The following DMWD variants were observed in gnomAD, a reference collection of about 807,000 sequenced individuals.
DMWD encodes the protein DM1 locus, WD repeat containing, also known as dystrophia myotonica WD repeat-containing protein.
A neutral mutation model predicts 45.8 loss-of-function variants in DMWD; 19 were observed. The ratio of observed to expected loss-of-function variants is 0.41; its 90% CI spans 0.29 to 0.61. DMWD has a LOEUF of 0.61. Ranked by LOEUF, DMWD falls within the 20% of genes least tolerant of loss-of-function variation. The pLI is 0.25. For missense variants in DMWD, 802 were observed against 965.2 expected, an observed-to-expected ratio of 0.83 and a Z score of 2.24; for synonymous variants, 515 against 440.5, an observed-to-expected ratio of 1.17 and a Z score of -2.12.
Position 45,783,905 on chromosome 19 carries a change from C to A in DMWD, c.*338G>T. The A allele has an allele frequency of 9.4e-6, 5 of 529,370 alleles. No homozygotes were observed. The highest frequency in any genetic ancestry group is 2.0e-5 in the African/African-American group (1 of 49,810). 32.8% of individuals were successfully genotyped at this position (529,370 alleles called of 1,614,324 possible). A position where few individuals can be genotyped will look rare whatever the true frequency, so the allele number is the denominator to read the frequency against. On this transcript the variant is annotated 3_prime_UTR_variant, in exon 5 of 5. Transcript: ENST00000270223. ...CCTGCCCACTCAACTGAGGGGCACA[C>A]TGCAGACCTGGGGCTCTTGTGGCAG...
At chr19:45,787,355 G>A (rs1406197805) in intron 2 of DMWD, 2 of 183,532 alleles carry the variant, frequency 1.1e-5, no homozygotes, top group Non-Finnish European at 2.3e-5. Flanking sequence ...CTATGCATGC[G>A]AGGGATCTAG....
In DMWD at chr19:45,783,500, C is replaced by T. The variant is rs1424919832; in HGVS notation, c.*743G>A. ...AGGGGCCCTGGCTGCGGGCAGGATG[C>T]TCTTCTCCCCAAGAGGGTCCTGCTC... On this transcript the variant is annotated 3_prime_UTR_variant, in exon 5 of 5. Coordinates refer to ENST00000270223, the MANE Select transcript of DMWD (RefSeq NM_004943.2). The T allele has an allele frequency of 1.0e-5, 4 of 398,402 alleles. No homozygotes were observed. Among genetic ancestry groups the T allele is most frequent in the African/African-American group, 6.2e-5 (3 of 48,596 alleles). 24.7% of individuals were successfully genotyped at this position (398,402 alleles called of 1,614,324 possible).
intron 4 of DMWD, 141 bp downstream of exon 4, chr19:45,784,500 G>T (rs927053473): frequency 7.5e-7 from 1 of 1,338,694 alleles, no homozygotes; most frequent in Non-Finnish European, 1.0e-6. Context: ...GCACTTTCAC[G>T]CAATAATCAA....
chr19:45,791,113 A>G, intron 1 of DMWD, 26 bp from the exon 2 acceptor site: 2 of 1,591,332 alleles, frequency 1.3e-6, no homozygotes, highest in Non-Finnish European at 1.7e-6. Flanking sequence ...AAAAGGAGTT[A>G]ATGGTGTATG....
chr19:45,783,421 G>A lies in DMWD; in HGVS notation c.*822C>T, dbSNP rs1038769584. ...GGAGTCCCAGCTGGGCAGGGCCTGG[G>A]AAACGTGGTCCTGGGCAGTTCTGAT... On this transcript the variant is annotated 3_prime_UTR_variant, in exon 5 of 5. Coordinates refer to ENST00000270223, the MANE Select transcript of DMWD (RefSeq NM_004943.2). The A allele has an allele frequency of 1.0e-5, 4 of 396,404 alleles. No individual in the cohort carries two copies. The highest frequency in any genetic ancestry group is 8.9e-6 in the Non-Finnish European group (2 of 225,264). The allele number at this position is 396,404 out of a possible 1,614,324, so 24.6% of individuals were successfully genotyped here.
At chr19:45,792,252 C>A in intron 1 of DMWD, 64 bp downstream of exon 1, 1 of 1,552,792 alleles carries the variant, frequency 6.4e-7, no homozygotes, top group Non-Finnish European at 8.7e-7. Context: ...CGGGGACCCT[C>A]CTATCAGTTC....
Position 45,792,767 on chromosome 19 carries a change from C to G in DMWD, c.-11G>C. 8.9e-7 allele frequency: 1 copy of G among 1,120,650 alleles called. No individual in the cohort carries two copies. The highest frequency in any genetic ancestry group is 1.1e-6 in the Non-Finnish European group (1 of 917,092). 69.4% of individuals were successfully genotyped at this position (1,120,650 alleles called of 1,614,324 possible). ...GCCGCCCGCCGCCATCTTGGGCGCC[C>G]CCCGGGCCCCGCCACTGCCGGACTG... On this transcript the variant is annotated 5_prime_UTR_variant, in exon 1 of 5. Coordinates refer to ENST00000270223, the MANE Select transcript of DMWD (RefSeq NM_004943.2).
chr19:45,792,696 C>T lies in DMWD; in HGVS notation c.61G>A (p.Glu21Lys), dbSNP rs1970369852. 2.4e-6 allele frequency: 3 copies of T among 1,266,910 alleles called. No homozygotes were observed. The highest frequency in any genetic ancestry group is 4.1e-5 in the South Asian group (2 of 49,362). 78.5% of individuals were successfully genotyped at this position (1,266,910 alleles called of 1,614,324 possible). A position where few individuals can be genotyped will look rare whatever the true frequency, so the allele number is the denominator to read the frequency against. ...CGCGTGCGGAATTGCGACTTAATCT[C>T]CGCGCAGTCCCCCATGGCGGCGCCG... The part of the protein sequence containing the change: ...GPGAAMGDCA[E>K]IKSQFRTREG... Residue 21 changes from glutamate (E) to lysine (K), a missense_variant, in exon 1 of 5, where the codon GAG (glutamate) becomes AAG (lysine). Physicochemically the swap from Glu to Lys is moderately conservative, Grantham distance 56 (BLOSUM62 1). Around this residue, in one of 9 missense-constraint regions of DMWD, gnomAD observed 151 missense variants for 128.1 expected, o/e 1.18. Coordinates refer to ENST00000270223, the MANE Select transcript of DMWD (RefSeq NM_004943.2).
At chr19:45,786,993 C>G (rs1183852564) in intron 2 of DMWD, 122 bp from the exon 3 acceptor site, 6 of 1,468,644 alleles carry the variant, frequency 4.1e-6, no homozygotes, top group East Asian at 2.5e-5. Context: ...AGGTGCCACA[C>G]CAGGCCCAGG....
At position 45,784,693 on chromosome 19, in the gene DMWD, G is replaced by A. The variant is rs747214557; in HGVS notation, c.1925C>T (p.Ala642Val). ...GGGCCAACTTCCTTCCCCTGTCTGG[G>A]CCTCGGTCTCCTCGTCTGTGAACTA... ...GKAFTDEETE[A>V]QTGEGSWPRS... The change falls in exon 4 of 5, where the codon GCC (alanine) becomes GTC (valine). Residue 642 changes from alanine to valine, a missense_variant. Ala to Val is a moderately conservative substitution (Grantham distance 64, BLOSUM62 0). Coordinates refer to ENST00000270223, the MANE Select transcript of DMWD (RefSeq NM_004943.2). 3 of 1,613,160 alleles carry A rather than the reference G, an allele frequency of 1.9e-6. No individual in the cohort carries two copies. The South Asian group carries it at 3.3e-5, about 18-fold the overall frequency.
At chr19:45,784,540 G>A in intron 4 of DMWD, 101 bp downstream of exon 4, 1 of 1,577,620 alleles carries the variant, frequency 6.3e-7, no homozygotes, top group South Asian at 1.1e-5. Flanking sequence ...GTGAGACCAT[G>A]GGGTAAGGGT....
Position 45,792,462 on chromosome 19 carries a change from C to G in DMWD, c.295G>C (p.Val99Leu). 1 of 1,460,456 alleles carries G rather than the reference C, an allele frequency of 6.8e-7. No individual in the cohort carries two copies. Among genetic ancestry groups the G allele is most frequent in the Non-Finnish European group, 9.1e-7 (1 of 1,102,762 alleles). 90.5% of individuals were successfully genotyped at this position (1,460,456 alleles called of 1,614,324 possible). A position where few individuals can be genotyped will look rare whatever the true frequency, so the allele number is the denominator to read the frequency against. Residue 99 changes from valine (V) to leucine (L), a missense_variant, in exon 1 of 5, where the codon GTG becomes CTG. Transcript: ENST00000270223. ...GCGCTGTCCGGCTCCCCGAGGCGCACGAGGCTGAGGCGCACGGCGGGCAGG... is the reference window on the plus strand; with the variant it reads ...GCGCTGTCCGGCTCCCCGAGGCGCAGGAGGCTGAGGCGCACGGCGGGCAGG... ...PALPAVRLSL[V>L]RLGEPDSAGA...
chr19:45,783,695 CTCTACA>C lies in DMWD; in HGVS notation c.*542_*547del. The stretch of plus-strand genomic sequence containing the variant: ...GAACCACAGAGTACACACACAGGTC[CTCTACA>C]TCATCTCCTCCGAAGGGGACAGACC... On this transcript the variant is annotated 3_prime_UTR_variant, in exon 5 of 5. Transcript: ENST00000270223. The C allele has an allele frequency of 4.7e-6, 2 of 425,108 alleles. No individual in the cohort carries two copies. Among genetic ancestry groups the C allele is most frequent in the Non-Finnish European group, 8.2e-6 (2 of 243,676 alleles). 26.3% of individuals were successfully genotyped at this position (425,108 alleles called of 1,614,324 possible).
intron 2 of DMWD, among the ~76,000 whole-genome samples, chr19:45,788,064 G>T (rs926228475): frequency 1.3e-5 from 2 of 151,888 alleles, no homozygotes; most frequent in African/African-American, 4.8e-5. Context: ...GCGACAGAGC[G>T]AGACTCCACC....
intron 2 of DMWD, among the ~76,000 whole-genome samples, chr19:45,788,312 A>G (rs1970309561): frequency 6.6e-6 from 1 of 152,154 alleles, no homozygotes; most frequent in African/African-American, 2.4e-5. Context: ...TGAGGCCCTA[A>G]TGCTCTCAGG....
intron 2 of DMWD, chr19:45,787,206 A>G: frequency 2.5e-6 from 1 of 393,628 alleles, no homozygotes; most frequent in South Asian, 2.4e-5. Flanking sequence ...ATGGAACAGT[A>G]GTGGTCCGTG....
chr19:45,784,121 G>T lies in DMWD; in HGVS notation c.*122C>A. 2.3e-6 allele frequency: 2 copies of T among 882,704 alleles called. No homozygotes were observed. Among genetic ancestry groups the T allele is most frequent in the Non-Finnish European group, 3.7e-6 (2 of 542,436 alleles). 54.7% of individuals were successfully genotyped at this position (882,704 alleles called of 1,614,324 possible). On this transcript the variant is annotated 3_prime_UTR_variant, in exon 5 of 5. Coordinates refer to ENST00000270223, the MANE Select transcript of DMWD (RefSeq NM_004943.2). ...GCCCCCAAATTTTGTGCAGGTGGGG[G>T]GACTGGAGCAGTCCATCCATCATGG... is the stretch of plus-strand genomic sequence containing the variant.
At position 45,783,630 on chromosome 19, in the gene DMWD, G is replaced by A. The variant is rs1293092359; in HGVS notation, c.*613C>T. The A allele has an allele frequency of 5.0e-6, 2 of 399,148 alleles. No individual in the cohort carries two copies. The highest frequency in any genetic ancestry group is 8.8e-6 in the Non-Finnish European group (2 of 226,490). The allele number at this position is 399,148 out of a possible 1,614,324, so 24.7% of individuals were successfully genotyped here. ...AGGGGTGGGAGGCGCTGGGCTGGGAGCAGGCCTGCACTCCTCCTCTGGGGA... is the reference window on the plus strand; with the variant it reads ...AGGGGTGGGAGGCGCTGGGCTGGGAACAGGCCTGCACTCCTCCTCTGGGGA... On this transcript the variant is annotated 3_prime_UTR_variant, in exon 5 of 5. Transcript: ENST00000270223.
intron 2 of DMWD, among the ~76,000 whole-genome samples, chr19:45,788,277 C>A (rs1183542713): frequency 6.6e-6 from 1 of 152,188 alleles, no homozygotes; most frequent in Non-Finnish European, 1.5e-5. Context: ...ACTTCGCAGC[C>A]TCTCTCAAGC....
Sources: allele counts gnomAD v4.1 joint callset (sites outside exome capture counted in the v4.1 genomes callset), GRCh38; gene constraint gnomAD v4.1.1; regional missense constraint gnomAD v4.1.1; transcripts MANE v1.5; gene names NCBI Gene and HGNC (gene_info 2026-07-23, HGNC 2026-07-21).